Variants in ASIP observed in about 807,000 individuals in gnomAD.
ASIP encodes agouti signaling protein.
A neutral mutation model predicts 10.3 loss-of-function variants in ASIP; 11 were observed. That is an observed-to-expected ratio of 1.07 (90% CI 0.68 to 1.78). The LOEUF (loss-of-function observed/expected upper bound fraction) is 1.78. ASIP is among the 40% of genes most tolerant of loss of function. The pLI, the probability that ASIP is intolerant of heterozygous loss-of-function variation, is 0.00. For missense variants in ASIP, 180 were observed against 169.2 expected (o/e 1.06, Z -0.35); for synonymous variants, 70 against 70.8 (o/e 0.99, Z 0.06).
chr20:34,222,625 ACTCCCT>A (rs141062905), intron 1 of ASIP, among the ~76,000 whole-genome samples: 15,132 of 151,416 alleles, frequency 0.1, 2,476 homozygotes, highest in African/African-American at 0.34. Flanking sequence ...TGCAAAAGTT[ACTCCCT>A]CTCCCTCTCC....
intron 1 of ASIP, among the ~76,000 whole-genome samples, chr20:34,219,903 C>A (rs1284990551): frequency 2.0e-5 from 3 of 152,046 alleles, no homozygotes; most frequent in Admixed American, 6.6e-5. Flanking sequence ...TCCTGGCTAA[C>A]ACGGTGAAAC....
chr20:34,267,553 C>A (rs147446729), intron 3 of ASIP, among the ~76,000 whole-genome samples: 2,359 of 147,488 alleles, frequency 0.016, 21 homozygotes, highest in Middle Eastern at 0.026. Context: ...TTTTTTGAGA[C>A]AGAGTTTTGC....
chr20:34,223,317 G>A (rs1172556984), intron 1 of ASIP, among the ~76,000 whole-genome samples: 14 of 147,296 alleles, frequency 9.5e-5, no homozygotes, highest in Middle Eastern at 3.7e-3. Flanking sequence ...CTGCCCGGCC[G>A]AGACCCCGTC....
At position 34,232,450 on chromosome 20, in the gene ASIP, A is replaced by G. The variant is rs371299157; in HGVS notation, c.-10-27915A>G. On this transcript the variant is annotated intron_variant, in intron 1 of 3. Coordinates refer to the ASIP transcript ENST00000568305. ...TCTGATTAGTAGAGGTTGGAACCAA[A>G]TCCGTCCAATTTATCTCATACAGCA... Among the ~76,000 whole-genome samples the G allele has an allele frequency of 5.3e-5, 8 of 152,248 alleles. No individual in the cohort carries two copies. In the South Asian group the frequency reaches 1.7e-3, roughly 32 times the overall value.
intron 1 of ASIP, chr20:34,215,868 G>T (rs1487110024): frequency 8.7e-7 from 1 of 1,154,786 alleles, no homozygotes; most frequent in Non-Finnish European, 1.3e-6. Context: ...TTTGGATTTA[G>T]CCCTAATAGA....
chr20:34,224,149 T>C (rs1392994657), intron 1 of ASIP, among the ~76,000 whole-genome samples: 2 of 146,416 alleles, frequency 1.4e-5, no homozygotes, highest in African/African-American at 5.1e-5. Context: ...CTGCTGACCT[T>C]CCCTCCACTG....
chr20:34,240,084 A>G (rs1432337977), upstream of ASIP, among the ~76,000 whole-genome samples: 2 of 152,218 alleles, frequency 1.3e-5, no homozygotes, highest in Non-Finnish European at 2.9e-5. Flanking sequence ...GAGTTTTATT[A>G]GAGAAATGTT....
chr20:34,262,663 G>A (rs754545905), intron 2 of ASIP, among the ~76,000 whole-genome samples, 169 bp from the exon 3 acceptor site: 13 of 152,068 alleles, frequency 8.5e-5, no homozygotes, highest in South Asian at 2.1e-4. Flanking sequence ...GTCAGTAGCC[G>A]GGCTAACAAG....
At chr20:34,252,760 C>T (rs896444827) in intron 1 of ASIP, among the ~76,000 whole-genome samples, 21 of 152,156 alleles carry the variant, frequency 1.4e-4, no homozygotes, top group African/African-American at 5.1e-4. Context: ...CAGGCTGTCT[C>T]AGTGGGGGGA....
chr20:34,256,928 G>C (rs976514337), intron 1 of ASIP, among the ~76,000 whole-genome samples: 6 of 151,910 alleles, frequency 3.9e-5, no homozygotes, highest in African/African-American at 1.5e-4. Context: ...ACACAGTCTT[G>C]TGCCGCCACT....
upstream of ASIP, among the ~76,000 whole-genome samples, chr20:34,237,674 C>T (rs1252421558): frequency 6.6e-6 from 1 of 152,252 alleles, no homozygotes; most frequent in East Asian, 1.9e-4. Flanking sequence ...CTAGGTAGAA[C>T]TTCCAGTACT....
intron 1 of ASIP, among the ~76,000 whole-genome samples, chr20:34,258,694 T>TATATATATATATATATATATATATAAAA: frequency 2.7e-5 from 1 of 37,060 alleles, no homozygotes; most frequent in East Asian, 1.0e-3. Flanking sequence ...TATATATACA[T>TATATATATATATATATATATATATAAAA]ACTATATATA....
At chr20:34,255,142 T>C (rs1185800536) in intron 1 of ASIP, among the ~76,000 whole-genome samples, 1 of 152,126 alleles carries the variant, frequency 6.6e-6, no homozygotes, top group Non-Finnish European at 1.5e-5. Context: ...TCAGAGCAAG[T>C]GATCACTGTG....
intron 1 of ASIP, among the ~76,000 whole-genome samples, chr20:34,258,845 GTA>G (rs1343592210): frequency 8.6e-6 from 1 of 116,584 alleles, no homozygotes. Flanking sequence ...TATATATAGT[GTA>G]TATATAATAT....
At position 34,262,845 on chromosome 20, in the gene ASIP, A is replaced by T; in HGVS notation, c.174A>T (p.Lys58Asn). The T allele has an allele frequency of 6.2e-7, 1 of 1,614,042 alleles. No individual in the cohort carries two copies. The highest frequency in any genetic ancestry group is 8.5e-7 in the Non-Finnish European group (1 of 1,179,946). Residue 58 changes from lysine to asparagine, a missense_variant, in exon 3 of 4, where the codon AAA becomes AAT. Transcript: ENST00000374954. The stretch of plus-strand genomic sequence containing the variant: ...CTCTCTTTGAAGCGCTGAACAAGAA[A>T]TCCAAACAGATCGGCAGAAAAGCAG... The part of the protein sequence containing the change: ...PSVSIVALNK[K>N]SKQIGRKAAE...
intron 1 of ASIP, among the ~76,000 whole-genome samples, chr20:34,227,629 CAAAAA>C (rs1207391194): frequency 1.2e-5 from 1 of 82,644 alleles, no homozygotes; most frequent in Admixed American, 1.5e-4. Flanking sequence ...GGCTCCATCT[CAAAAA>C]AAAAAAAAAA....
At chr20:34,217,826 T>A (rs1277676569) in intron 1 of ASIP, among the ~76,000 whole-genome samples, 1 of 152,226 alleles carries the variant, frequency 6.6e-6, no homozygotes, top group African/African-American at 2.4e-5. Context: ...CCTCCCAAAG[T>A]ACTGGGATTA....
chr20:34,261,737 C>T (rs1022637505), intron 2 of ASIP, among the ~76,000 whole-genome samples: 53 of 151,242 alleles, frequency 3.5e-4, no homozygotes, highest in African/African-American at 1.1e-3. Context: ...AGGAGGTCGA[C>T]GCTGCAGTGA....
intron 1 of ASIP, among the ~76,000 whole-genome samples, chr20:34,259,749 TAA>T (rs879668897): frequency 2.1e-5 from 3 of 142,790 alleles, no homozygotes; most frequent in Non-Finnish European, 3.1e-5. Context: ...AGACTCCATC[TAA>T]AAAAAAAAAA....
Sources: gnomAD v4.1 joint callset for allele counts (sites outside exome capture counted in the v4.1 genomes callset) on GRCh38, gnomAD v4.1.1 for gene constraint, MANE v1.5 for transcripts, NCBI Gene and HGNC (gene_info 2026-07-23, HGNC 2026-07-21) for gene names.